LIN28B: variants seen among roughly 807,000 people sequenced by gnomAD.
LIN28B encodes the protein protein lin-28 homolog B.
Under a neutral mutation model 21.9 loss-of-function variants are expected in LIN28B, and 5 were observed. The ratio of observed to expected loss-of-function variants is 0.23; its 90% CI spans 0.12 to 0.48. The LOEUF (loss-of-function observed/expected upper bound fraction) is 0.48, where lower values mean the gene tolerates loss of function less well. Among genes scored for constraint, LIN28B ranks in the 20% least tolerant of loss-of-function variants. LIN28B has a pLI of 0.98. For synonymous variants in LIN28B, 109 were observed against 111.3 expected, an observed-to-expected ratio of 0.98 and a Z score of 0.13; for missense variants, 245 against 310.5, an observed-to-expected ratio of 0.79 and a Z score of 1.58.
chr6:104,989,576 G>GTTTTTTTTTTTTTTTTTTTTTTT (rs34394074), intron 2 of LIN28B, among the ~76,000 whole-genome samples: 3 of 60,572 alleles, frequency 5.0e-5, no homozygotes, highest in African/African-American at 6.0e-5. Flanking sequence ...TTTTACTTGG[G>GTTTTTTTTTTTTTTTTTTTTTTT]TTTTTTTTTT....
At chr6:105,015,194 CATCTCA>C (rs1176581087) in intron 2 of LIN28B, among the ~76,000 whole-genome samples, 2 of 152,128 alleles carry the variant, frequency 1.3e-5, no homozygotes, top group Admixed American at 1.3e-4. Context: ...TTGATTTGTG[CATCTCA>C]AAGCTCTGTT....
chr6:104,973,731 G>A (rs1290330872), intron 2 of LIN28B, among the ~76,000 whole-genome samples: 2 of 152,188 alleles, frequency 1.3e-5, no homozygotes, highest in Non-Finnish European at 2.9e-5. Flanking sequence ...TTTTGATACA[G>A]CTGGCTATTG....
intron 3 of LIN28B, among the ~76,000 whole-genome samples, chr6:105,075,993 G>A (rs771142859): frequency 4.6e-5 from 7 of 152,148 alleles, no homozygotes; most frequent in Non-Finnish European, 1.0e-4. Context: ...TATTGTAGAG[G>A]AGAACTGTGT....
chr6:105,019,882 A>G (rs999125833), intron 2 of LIN28B, among the ~76,000 whole-genome samples: 1 of 152,238 alleles, frequency 6.6e-6, no homozygotes, highest in Non-Finnish European at 1.5e-5. Context: ...TCAGCCTGCC[A>G]TCTTGAACTG....
chr6:104,975,044 T>C (rs747561162), intron 2 of LIN28B, among the ~76,000 whole-genome samples: 1 of 152,126 alleles, frequency 6.6e-6, no homozygotes, highest in Non-Finnish European at 1.5e-5. Context: ...GGTCTTGAAC[T>C]CCTGACGTCA....
At position 104,990,945 on chromosome 6, in the gene LIN28B, C is replaced by T. The variant is rs894133604; in HGVS notation, c.198+32659C>T. On this transcript the variant is annotated intron_variant, in intron 2 of 3. Transcript: ENST00000345080. ...TTCTTAGTACAGAACAAAATGGAGT[C>T]TCCTATGTCTCCTTCTTTCTACACA... Among the ~76,000 whole-genome samples the T allele has an allele frequency of 7.9e-5, 12 of 152,204 alleles. 1 individual carries two copies. Among genetic ancestry groups the T allele is most frequent in the Admixed American group, 5.2e-4 (8 of 15,280 alleles).
At chr6:104,991,947 G>C (rs1040851500) in intron 2 of LIN28B, among the ~76,000 whole-genome samples, 14 of 151,810 alleles carry the variant, frequency 9.2e-5, no homozygotes, top group African/African-American at 2.9e-4. Context: ...TGCAGTGAGC[G>C]GAGATGGCAG....
At chr6:104,949,083 T>G (rs1288374622) in intron 2 of LIN28B, among the ~76,000 whole-genome samples, 3 of 152,194 alleles carry the variant, frequency 2.0e-5, no homozygotes, top group African/African-American at 4.8e-5. Flanking sequence ...TACACATCTT[T>G]AAAATATGTT....
chr6:105,033,603 C>CA (rs1562100235), intron 3 of LIN28B, among the ~76,000 whole-genome samples: 10 of 151,742 alleles, frequency 6.6e-5, no homozygotes, highest in African/African-American at 2.4e-4. Flanking sequence ...ACATTTCAAA[C>CA]GAAATAATTT....
At chr6:104,956,197 A>G (rs1315523805), upstream of LIN28B, among the ~76,000 whole-genome samples, 6 of 146,426 alleles carry the variant, frequency 4.1e-5, no homozygotes, top group Admixed American at 1.4e-4. Flanking sequence ...GCTGCCGCCT[A>G]TCCTGGCGGC....
At chr6:105,001,849 G>A (rs1770727071) in intron 2 of LIN28B, among the ~76,000 whole-genome samples, 1 of 152,190 alleles carries the variant, frequency 6.6e-6, no homozygotes, top group Non-Finnish European at 1.5e-5. Context: ...CTAGCTGGAA[G>A]AGAATTTATT....
chr6:104,947,410 C>T (rs1778169066), intron 2 of LIN28B, among the ~76,000 whole-genome samples: 1 of 152,178 alleles, frequency 6.6e-6, no homozygotes, highest in Admixed American at 6.5e-5. Context: ...AGGCATGAGC[C>T]ACCACACCAG....
chr6:104,960,761 G>A (rs1157249752), intron 2 of LIN28B, among the ~76,000 whole-genome samples: 1 of 152,076 alleles, frequency 6.6e-6, no homozygotes, highest in Non-Finnish European at 1.5e-5. Flanking sequence ...GCATGTAACA[G>A]CATATCAAAA....
chr6:104,942,400 A>G (rs1057243772), intron 2 of LIN28B, among the ~76,000 whole-genome samples: 6 of 152,200 alleles, frequency 3.9e-5, no homozygotes, highest in Admixed American at 3.3e-4. Context: ...TTTTACGTCC[A>G]ACAATAAGTA....
intron 2 of LIN28B, among the ~76,000 whole-genome samples, chr6:105,008,643 CAAAA>C (rs202223950): frequency 2.2e-5 from 2 of 91,050 alleles, no homozygotes. Flanking sequence ...GACTACATCT[CAAAA>C]AAAAAAAAAA....
intron 3 of LIN28B, among the ~76,000 whole-genome samples, chr6:105,075,499 C>G (rs755438700): frequency 2.0e-5 from 3 of 152,164 alleles, no homozygotes; most frequent in Non-Finnish European, 4.4e-5. Flanking sequence ...TACCACTCCT[C>G]CCCCTTTTAA....
chr6:105,024,038 A>T (rs1053303862), intron 2 of LIN28B, among the ~76,000 whole-genome samples: 1 of 151,898 alleles, frequency 6.6e-6, no homozygotes. Flanking sequence ...GCTGGAGTGC[A>T]GTGACACGAT....
intron 3 of LIN28B, among the ~76,000 whole-genome samples, chr6:105,029,098 A>G (rs183335940): frequency 6.6e-6 from 1 of 152,334 alleles, no homozygotes; most frequent in East Asian, 1.9e-4. Flanking sequence ...TGAGGTTGAC[A>G]AGAACGGGCT....
chr6:105,024,075 G>A (rs905853226), intron 2 of LIN28B, among the ~76,000 whole-genome samples: 1 of 151,838 alleles, frequency 6.6e-6, no homozygotes, highest in Non-Finnish European at 1.5e-5. Context: ...TGCAACCTCC[G>A]CCTCCCAGGT....
Sources: gnomAD v4.1 joint callset for allele counts (sites outside exome capture counted in the v4.1 genomes callset) on GRCh38, gnomAD v4.1.1 for gene constraint, MANE v1.5 for transcripts, NCBI Gene and HGNC (gene_info 2026-07-23, HGNC 2026-07-21) for gene names.